Variants in PARVB observed in about 807,000 individuals in gnomAD.
The protein encoded by PARVB is beta-parvin.
Under a neutral mutation model 47.0 loss-of-function variants are expected in PARVB, and 46 were observed. That is an observed-to-expected ratio of 0.98 (90% confidence interval 0.77 to 1.25). The LOEUF is 1.25. Ranked by LOEUF, PARVB falls within the 50% of genes most tolerant of loss-of-function variation. PARVB has a pLI of 0.00. For missense variants in PARVB, 473 were observed against 471.6 expected, an observed-to-expected ratio of 1.00 and a Z score of -0.03; for synonymous variants, 196 against 196.3, an observed-to-expected ratio of 1.00 and a Z score of 0.01.
At chr22:44,098,170 G>T (rs997984104) in intron 2 of PARVB, among the ~76,000 whole-genome samples, 1 of 152,102 alleles carries the variant, frequency 6.6e-6, no homozygotes. Flanking sequence ...CCAGAAACGG[G>T]CTCTCTGAAG....
intron 1 of PARVB, among the ~76,000 whole-genome samples, chr22:44,027,137 C>G (rs550899361): frequency 1.6e-4 from 25 of 151,908 alleles, no homozygotes; most frequent in Non-Finnish European, 2.9e-4. Flanking sequence ...TGGAAAGGAA[C>G]GCCGGAAACC....
At chr22:44,052,979 G>C (rs1021775723) in intron 1 of PARVB, among the ~76,000 whole-genome samples, 1 of 151,786 alleles carries the variant, frequency 6.6e-6, no homozygotes, top group Non-Finnish European at 1.5e-5. Flanking sequence ...CACCCAAAAA[G>C]ACAGGTGGTG....
intron 6 of PARVB, among the ~76,000 whole-genome samples, chr22:44,134,056 C>T (rs113070595): frequency 0.011 from 1,661 of 152,190 alleles, 14 homozygotes; most frequent in Non-Finnish European, 0.017. Context: ...TTATTTTACT[C>T]GAGACATCCG....
chr22:44,075,951 C>T (rs1360407798), intron 1 of PARVB, among the ~76,000 whole-genome samples: 1 of 152,250 alleles, frequency 6.6e-6, no homozygotes, highest in Non-Finnish European at 1.5e-5. Flanking sequence ...GAGGTTGGAG[C>T]TCTCTGACTG....
At chr22:44,008,258 C>G (rs138741286) in intron 2 of PARVB, among the ~76,000 whole-genome samples, 1 of 152,052 alleles carries the variant, frequency 6.6e-6, no homozygotes, top group Non-Finnish European at 1.5e-5. Context: ...ATTACAGGCG[C>G]GCATCACCAC....
chr22:44,022,466 T>C (rs2050661046), upstream of PARVB, among the ~76,000 whole-genome samples: 2 of 152,198 alleles, frequency 1.3e-5, no homozygotes, highest in African/African-American at 4.8e-5. Flanking sequence ...GTGCCCACGT[T>C]CTCCTTGACC....
intron 3 of PARVB, chr22:44,112,777 G>C (rs1178419214): frequency 4.0e-4 from 44 of 111,360 alleles, no homozygotes; most frequent in African/African-American, 1.2e-3. Flanking sequence ...TTGTTACTAA[G>C]TAAGGCCCTG....
At chr22:44,126,556 C>T (rs888115051) in intron 4 of PARVB, among the ~76,000 whole-genome samples, 3 of 152,110 alleles carry the variant, frequency 2.0e-5, no homozygotes, top group African/African-American at 7.2e-5. Flanking sequence ...TGTGAAGCTG[C>T]CCCTGGGCTG....
chr22:44,042,519 G>A (rs1161565416), intron 1 of PARVB, among the ~76,000 whole-genome samples: 4 of 152,222 alleles, frequency 2.6e-5, no homozygotes, highest in African/African-American at 7.2e-5. Flanking sequence ...GATGGGACGA[G>A]AAGACACGCC....
chr22:44,043,919 C>G (rs2051067336), intron 1 of PARVB, among the ~76,000 whole-genome samples: 1 of 152,100 alleles, frequency 6.6e-6, no homozygotes. Context: ...GTTCATTGCC[C>G]CTGCAGTGGT....
At chr22:44,163,246 G>A (rs1279435629) in intron 11 of PARVB, among the ~76,000 whole-genome samples, 1 of 152,144 alleles carries the variant, frequency 6.6e-6, no homozygotes, top group East Asian at 1.9e-4. Flanking sequence ...GAGGCGGGTG[G>A]ATCATTTGAG....
At chr22:44,047,668 T>TA (rs1039968004) in intron 1 of PARVB, among the ~76,000 whole-genome samples, 1 of 151,728 alleles carries the variant, frequency 6.6e-6, no homozygotes, top group Non-Finnish European at 1.5e-5. Flanking sequence ...CTAAAAAAAA[T>TA]AAAAAATAAA....
At chr22:44,081,855 G>C (rs560999288) in intron 1 of PARVB, among the ~76,000 whole-genome samples, 10 of 152,158 alleles carry the variant, frequency 6.6e-5, no homozygotes, top group Non-Finnish European at 2.9e-5. Flanking sequence ...CTGCCTCGAG[G>C]CTCTTTTCTT....
At chr22:44,064,485 C>T (rs778209722) in intron 1 of PARVB, among the ~76,000 whole-genome samples, 1 of 152,104 alleles carries the variant, frequency 6.6e-6, no homozygotes, top group Non-Finnish European at 1.5e-5. Flanking sequence ...GGCCAAAGGA[C>T]GTGACCTTGA....
intron 1 of PARVB, among the ~76,000 whole-genome samples, chr22:44,054,842 T>C (rs2146945348): frequency 6.6e-6 from 1 of 151,578 alleles, no homozygotes; most frequent in East Asian, 2.0e-4. Context: ...CTACAAAAAT[T>C]AGCCGGGTGT....
intron 1 of PARVB, among the ~76,000 whole-genome samples, chr22:44,078,398 C>T (rs1037596745): frequency 3.3e-5 from 5 of 152,136 alleles, no homozygotes; most frequent in African/African-American, 1.2e-4. Flanking sequence ...ACTGAGTTCC[C>T]CTCTTCTCTG....
At chr22:44,133,042 A>C in intron 6 of PARVB, 33 bp downstream of exon 6, 1 of 1,468,902 alleles carries the variant, frequency 6.8e-7, no homozygotes, top group Non-Finnish European at 9.4e-7. Context: ...CCTGCCTGTA[A>C]CTCCGCCAGA....
intron 2 of PARVB, among the ~76,000 whole-genome samples, chr22:44,096,795 A>G (rs2299849): frequency 0.6 from 91,738 of 151,952 alleles, 28,050 homozygotes; most frequent in East Asian, 0.86. Context: ...GCAGCTGGCT[A>G]TGACGCACAA....
chr22:44,132,712 A>C (rs2053355129), intron 5 of PARVB, among the ~76,000 whole-genome samples, 182 bp from the exon 6 acceptor site: 1 of 152,214 alleles, frequency 6.6e-6, no homozygotes, highest in African/African-American at 2.4e-5. Context: ...GAAAGGAGAC[A>C]GTGAAGCTAG....
Sources: allele counts gnomAD v4.1 joint callset (sites outside exome capture counted in the v4.1 genomes callset), GRCh38; gene constraint gnomAD v4.1.1; transcripts MANE v1.5; gene names NCBI Gene and HGNC (gene_info 2026-07-23, HGNC 2026-07-21).